The following CRYBG1 variants were observed in gnomAD, a reference collection of about 807,000 sequenced individuals.
CRYBG1 encodes the protein crystallin beta-gamma domain containing 1.
Under a neutral mutation model 189.2 loss-of-function variants are expected in CRYBG1, and 139 were observed. The observed-to-expected ratio is 0.73, with a 90% CI of 0.64 to 0.85. The LOEUF (loss-of-function observed/expected upper bound fraction) is 0.85. CRYBG1 is among the 40% of genes least tolerant of loss of function. The pLI, the probability that CRYBG1 is intolerant of heterozygous loss-of-function variation, is 0.00. For synonymous variants in CRYBG1, 1,023 were observed against 1,017.1 expected (o/e 1.01, Z -0.11); for missense variants, 2,611 against 2,675.8 (o/e 0.98, Z 0.53).
intron 2 of CRYBG1, among the ~76,000 whole-genome samples, chr6:106,499,256 A>G (rs1772942194): frequency 6.7e-6 from 1 of 150,184 alleles, no homozygotes. Context: ...GGGTTCAAGC[A>G]ATTCTCCTGC....
chr6:106,422,344 A>ATTTATTTGTTTTTTTTTTTT (rs57640822), intron 1 of CRYBG1, among the ~76,000 whole-genome samples: 1 of 139,928 alleles, frequency 7.1e-6, no homozygotes, highest in Admixed American at 7.3e-5. Flanking sequence ...TTATTTATTT[A>ATTTATTTGTTTTTTTTTTTT]TTTTTGAGAC....
chr6:106,361,751 C>T (rs1771872984), intron 1 of CRYBG1, among the ~76,000 whole-genome samples: 1 of 152,122 alleles, frequency 6.6e-6, no homozygotes, highest in African/African-American at 2.4e-5. Flanking sequence ...AATTATTCAA[C>T]TATAGCATCA....
intron 2 of CRYBG1, among the ~76,000 whole-genome samples, chr6:106,510,794 G>A (rs1007581420): frequency 6.6e-6 from 1 of 152,248 alleles, no homozygotes; most frequent in Non-Finnish European, 1.5e-5. Context: ...GGGATCACTC[G>A]GGTGTTTGAA....
intron 1 of CRYBG1, among the ~76,000 whole-genome samples, chr6:106,379,069 A>G (rs113426558): frequency 0.026 from 3,960 of 151,564 alleles, 171 homozygotes; most frequent in African/African-American, 0.091. Context: ...AAATTGCTTG[A>G]CCCCGGGAGG....
chr6:106,523,574 C>A (rs1290648577), intron 4 of CRYBG1, among the ~76,000 whole-genome samples: 1 of 151,966 alleles, frequency 6.6e-6, no homozygotes, highest in Non-Finnish European at 1.5e-5. Flanking sequence ...AGGTCCTGGG[C>A]TTTTATTGAT....
At chr6:106,549,615 G>A (rs1472750319) in intron 13 of CRYBG1, among the ~76,000 whole-genome samples, 2 of 151,128 alleles carry the variant, frequency 1.3e-5, no homozygotes, top group African/African-American at 2.4e-5. Flanking sequence ...AAAAGAACAG[G>A]TTTTAAAAAT....
At chr6:106,458,564 A>C (rs1047165589) in intron 2 of CRYBG1, among the ~76,000 whole-genome samples, 3 of 152,142 alleles carry the variant, frequency 2.0e-5, no homozygotes, top group African/African-American at 7.2e-5. Context: ...ATTATTTATA[A>C]ATTTTTTTTC....
At chr6:106,410,859 G>T (rs1245525910) in intron 1 of CRYBG1, among the ~76,000 whole-genome samples, 2 of 152,154 alleles carry the variant, frequency 1.3e-5, no homozygotes, top group African/African-American at 4.8e-5. Flanking sequence ...GGACTGTTGT[G>T]GGGTGGGGAG....
chr6:106,380,028 C>T (rs1057376948), intron 1 of CRYBG1, among the ~76,000 whole-genome samples: 15 of 152,188 alleles, frequency 9.9e-5, no homozygotes, highest in Non-Finnish European at 1.5e-4. Context: ...ACTTTGTGCT[C>T]TTTTGAAATA....
chr6:106,383,141 A>T (rs1029365881), intron 1 of CRYBG1, among the ~76,000 whole-genome samples: 22 of 152,324 alleles, frequency 1.4e-4, no homozygotes, highest in African/African-American at 5.3e-4. Context: ...AGATTTTTTT[A>T]AAAGTATATG....
intron 1 of CRYBG1, among the ~76,000 whole-genome samples, chr6:106,401,300 G>C (rs937036625): frequency 6.6e-6 from 1 of 151,990 alleles, no homozygotes; most frequent in Non-Finnish European, 1.5e-5. Flanking sequence ...CTACTACAGA[G>C]AGGGTATAAC....
intron 1 of CRYBG1, among the ~76,000 whole-genome samples, chr6:106,441,340 G>C (rs1771563510): frequency 6.6e-6 from 1 of 152,144 alleles, no homozygotes; most frequent in East Asian, 1.9e-4. Flanking sequence ...TATTTGGATA[G>C]ATGGAGAGCA....
At chr6:106,455,961 G>C (rs1258660592) in intron 2 of CRYBG1, among the ~76,000 whole-genome samples, 1 of 152,018 alleles carries the variant, frequency 6.6e-6, no homozygotes, top group Non-Finnish European at 1.5e-5. Context: ...AATCACTGCT[G>C]CTCCTTTATA....
intron 1 of CRYBG1, among the ~76,000 whole-genome samples, chr6:106,388,085 C>T (rs1299452665): frequency 6.6e-6 from 1 of 152,200 alleles, no homozygotes. Flanking sequence ...TGACTCTGAG[C>T]AGATCCTTGT....
At chr6:106,391,305 C>T (rs915742297) in intron 1 of CRYBG1, among the ~76,000 whole-genome samples, 1 of 152,348 alleles carries the variant, frequency 6.6e-6, no homozygotes, top group South Asian at 2.1e-4. Context: ...TGGTCTTGAT[C>T]TCCTGACCTC....
intron 20 of CRYBG1, 139 bp from the exon 21 acceptor site, chr6:106,563,625 A>AG: frequency 1.4e-6 from 1 of 721,888 alleles, no homozygotes; most frequent in Non-Finnish European, 2.2e-6. Flanking sequence ...TAGTTGGCTA[A>AG]GAGCTGAACT....
chr6:106,363,711 A>G (rs996363430), intron 1 of CRYBG1, among the ~76,000 whole-genome samples: 13 of 152,314 alleles, frequency 8.5e-5, no homozygotes, highest in Admixed American at 6.5e-4. Context: ...AGGTCAGAAA[A>G]AAATGAATTT....
intron 1 of CRYBG1, among the ~76,000 whole-genome samples, chr6:106,363,298 G>GT (rs1214559532): frequency 6.6e-6 from 1 of 150,672 alleles, no homozygotes; most frequent in South Asian, 2.1e-4. Context: ...CTCTCCTTGA[G>GT]TTTTTTTATA....
chr6:106,452,238 C>A (rs1207152388), intron 2 of CRYBG1, among the ~76,000 whole-genome samples: 5 of 127,634 alleles, frequency 3.9e-5, no homozygotes, highest in Non-Finnish European at 3.2e-5. Context: ...GAAACCCAGA[C>A]TCTACTAAAA....
Sources: gnomAD v4.1 joint callset for allele counts (sites outside exome capture counted in the v4.1 genomes callset) on GRCh38, gnomAD v4.1.1 for gene constraint, MANE v1.5 for transcripts, NCBI Gene and HGNC (gene_info 2026-07-23, HGNC 2026-07-21) for gene names.